The following LINGO2 variants were observed in gnomAD, a reference collection of about 807,000 sequenced individuals.
LINGO2 encodes the protein leucine rich repeat and Ig domain containing 2.
In LINGO2, 14 loss-of-function variants were observed where a neutral mutation model predicts 30.6. The ratio of observed to expected loss-of-function variants is 0.46; its 90% CI spans 0.30 to 0.72. The LOEUF is 0.72. Ranked by LOEUF, LINGO2 falls within the 30% of genes least tolerant of loss-of-function variation. The probability of loss-of-function intolerance (pLI) is 0.07; values close to 1 mark genes in which losing one functional copy is unlikely to be tolerated. For missense variants in LINGO2, 729 were observed against 751.7 expected (o/e 0.97, Z 0.35); for synonymous variants, 317 against 288.5 (o/e 1.10, Z -1.00).
intron 1 of LINGO2, among the ~76,000 whole-genome samples, chr9:28,523,900 T>C (rs1014062163): frequency 2.0e-5 from 3 of 152,010 alleles, no homozygotes; most frequent in Non-Finnish European, 4.4e-5. Context: ...TTGGCTTTTT[T>C]TTTTTTTAAT....
the LINGO2 span, among the ~76,000 whole-genome samples, chr9:29,016,192 T>C: frequency 6.6e-6 from 1 of 152,212 alleles, no homozygotes; most frequent in Non-Finnish European, 1.5e-5. Context: ...AGTACCTTCT[T>C]TTCAGTGTTT....
chr9:28,609,830 A>T (rs1825841911), intron 1 of LINGO2, among the ~76,000 whole-genome samples: 1 of 152,112 alleles, frequency 6.6e-6, no homozygotes, highest in Admixed American at 6.6e-5. Context: ...ACAAAACCCT[A>T]GGAAAATTCT....
At chr9:28,378,702 A>G (rs758092341) in intron 2 of LINGO2, among the ~76,000 whole-genome samples, 11 of 152,196 alleles carry the variant, frequency 7.2e-5, no homozygotes, top group Non-Finnish European at 1.5e-4. Flanking sequence ...AAACTTCAGA[A>G]AGGCAGCAAC....
intron 4 of LINGO2, among the ~76,000 whole-genome samples, chr9:28,260,630 T>C (rs1822532700): frequency 6.6e-6 from 1 of 151,750 alleles, no homozygotes. Flanking sequence ...TTCAAACAAA[T>C]TTGCACCAGA....
chr9:28,375,816 T>A (rs1489002189), intron 2 of LINGO2, among the ~76,000 whole-genome samples: 1 of 152,122 alleles, frequency 6.6e-6, no homozygotes, highest in African/African-American at 2.4e-5. Flanking sequence ...GGTCTAGAGA[T>A]CTTGGTTTTC....
the LINGO2 span, among the ~76,000 whole-genome samples, chr9:28,698,014 G>C: frequency 6.6e-6 from 1 of 151,982 alleles, no homozygotes; most frequent in Admixed American, 6.6e-5. Context: ...ATTGGTAATT[G>C]GTGAAGTTTC....
the LINGO2 span, among the ~76,000 whole-genome samples, chr9:28,906,518 G>A: frequency 6.6e-6 from 1 of 151,852 alleles, no homozygotes; most frequent in Non-Finnish European, 1.5e-5. Flanking sequence ...AAGTGAAATA[G>A]CCTCATTCAC....
chr9:28,374,574 T>C (rs1821046694), intron 2 of LINGO2, among the ~76,000 whole-genome samples: 1 of 152,090 alleles, frequency 6.6e-6, no homozygotes, highest in Non-Finnish European at 1.5e-5. Flanking sequence ...CTGCCTGCCT[T>C]CTTTCTAGCT....
chr9:28,551,350 T>C (rs1822268661), intron 1 of LINGO2, among the ~76,000 whole-genome samples: 1 of 151,786 alleles, frequency 6.6e-6, no homozygotes, highest in South Asian at 2.1e-4. Context: ...TTTCTACTTA[T>C]ATAAAGTATG....
chr9:28,091,922 G>T (rs1826102843), intron 4 of LINGO2, among the ~76,000 whole-genome samples: 1 of 152,118 alleles, frequency 6.6e-6, no homozygotes, highest in Non-Finnish European at 1.5e-5. Flanking sequence ...AGACATTTTT[G>T]CAGCCAAAAG....
intron 4 of LINGO2, among the ~76,000 whole-genome samples, chr9:28,219,198 G>T (rs1453096923): frequency 6.6e-6 from 1 of 152,128 alleles, no homozygotes; most frequent in Admixed American, 6.5e-5. Context: ...AGAAGTATTT[G>T]TGGATGTCTT....
chr9:27,948,631 A>C, exon 6 of LINGO2: 1 of 505,194 alleles, frequency 2.0e-6, no homozygotes, highest in South Asian at 4.0e-5. Flanking sequence ...TTTGCAACGC[A>C]AACACTTAGT....
intron 1 of LINGO2, among the ~76,000 whole-genome samples, chr9:28,589,903 A>G (rs1187226876): frequency 1.3e-5 from 2 of 152,190 alleles, no homozygotes; most frequent in Non-Finnish European, 2.9e-5. Flanking sequence ...ACTTCAAAAT[A>G]TACTACAAGG....
the LINGO2 span, among the ~76,000 whole-genome samples, chr9:29,070,161 G>T: frequency 6.6e-6 from 1 of 151,642 alleles, no homozygotes; most frequent in Non-Finnish European, 1.5e-5. Flanking sequence ...TCTTCTATTA[G>T]ACTCCCTATG....
the LINGO2 span, among the ~76,000 whole-genome samples, chr9:29,061,165 C>T: frequency 6.6e-6 from 1 of 151,880 alleles, no homozygotes; most frequent in East Asian, 1.9e-4. Context: ...TACTGCTCAA[C>T]AATAGAGAGG....
chr9:28,041,638 C>A (rs1824199367), intron 4 of LINGO2, among the ~76,000 whole-genome samples: 1 of 152,058 alleles, frequency 6.6e-6, no homozygotes, highest in Non-Finnish European at 1.5e-5. Context: ...AAAAGTAAAT[C>A]ATGGAAGAAA....
chr9:29,021,547 C>A, the LINGO2 span, among the ~76,000 whole-genome samples: 2 of 152,042 alleles, frequency 1.3e-5, no homozygotes, highest in East Asian at 3.9e-4. Context: ...ATTCCAGCTA[C>A]TCAGGAGGCT....
At chr9:28,836,522 G>A in the LINGO2 span, among the ~76,000 whole-genome samples, 25 of 152,088 alleles carry the variant, frequency 1.6e-4, no homozygotes, top group South Asian at 5.2e-3. Flanking sequence ...CTCCATGTTG[G>A]TCAGGCTGGT....
chr9:28,468,478 C>T (rs911765486), intron 2 of LINGO2, among the ~76,000 whole-genome samples: 1 of 152,116 alleles, frequency 6.6e-6, no homozygotes, highest in Admixed American at 6.5e-5. Flanking sequence ...AGTTGCAGGT[C>T]CACAGAAACT....
Sources: allele counts gnomAD v4.1 joint callset (sites outside exome capture counted in the v4.1 genomes callset), GRCh38; gene constraint gnomAD v4.1.1; transcripts MANE v1.5; gene names NCBI Gene and HGNC (gene_info 2026-07-23, HGNC 2026-07-21).